Variants in GRID2 observed in about 807,000 individuals in gnomAD.
The protein encoded by GRID2 is glutamate ionotropic receptor delta type subunit 2, also known as glutamate receptor ionotropic, delta-2.
GRID2 carries 33 observed loss-of-function variants against 114.8 expected under a neutral mutation model. The ratio of observed to expected loss-of-function variants is 0.29; its 90% CI spans 0.22 to 0.38. The LOEUF (loss-of-function observed/expected upper bound fraction) is 0.38. Ranked by LOEUF, GRID2 falls within the 10% of genes least tolerant of loss-of-function variation. The pLI is 1.00. For missense variants in GRID2, 1,184 were observed against 1,257.7 expected, an observed-to-expected ratio of 0.94 and a Z score of 0.89; for synonymous variants, 505 against 449.9, an observed-to-expected ratio of 1.12 and a Z score of -1.55.
intron 2 of GRID2, among the ~76,000 whole-genome samples, chr4:92,731,810 T>C: frequency 6.6e-6 from 1 of 151,968 alleles, no homozygotes; most frequent in Non-Finnish European, 1.5e-5. Flanking sequence ...GGCAATCATT[T>C]TCAGAATGAG....
rs891870555 is a variant in GRID2 at position 92,773,611 on chromosome 4, G to A, written c.244+183325G>A. On this transcript the variant is annotated intron_variant, in intron 2 of 15. Coordinates refer to ENST00000282020, the MANE Select transcript of GRID2 (RefSeq NM_001510.4). ...TATCACAAATATTAAAATGTATAAT[G>A]TTATCAAATATTATATAAAAAATAG... Among the ~76,000 whole-genome samples, 7 of 151,840 alleles carry A rather than the reference G, an allele frequency of 4.6e-5. No individual in the cohort carries two copies. The East Asian group carries it at 1.2e-3, about 25-fold the overall frequency.
Position 93,045,988 on chromosome 4 carries a change from TA to T in GRID2, c.245-39000del, listed in dbSNP as rs542390278. ...AGTGGGATTAATCCCCCAAAGTCTTTAAAAAAATGTTATAATTGATAAGAAT... is the reference window on the plus strand; with the variant it reads ...AGTGGGATTAATCCCCCAAAGTCTTTAAAAAATGTTATAATTGATAAGAAT... On this transcript the variant is annotated intron_variant, in intron 2 of 15. Transcript: ENST00000282020. 2.4e-4 allele frequency among the ~76,000 whole-genome samples: 36 copies of T among 152,140 alleles called. No individual in the cohort carries two copies. In the South Asian group the frequency reaches 7.5e-3, roughly 32 times the overall value.
intron 10 of GRID2, among the ~76,000 whole-genome samples, chr4:93,428,757 A>T (rs1769112880): frequency 4.6e-5 from 7 of 152,216 alleles, no homozygotes. Flanking sequence ...ATATATTTTT[A>T]AAAGTGACTT....
intron 1 of GRID2, among the ~76,000 whole-genome samples, chr4:92,449,710 T>TATATATATATATATATATAA (rs1266661271): frequency 2.1e-4 from 27 of 131,698 alleles, no homozygotes; most frequent in African/African-American, 7.3e-4. Context: ...TATATATATA[T>TATATATATATATATATATAA]AACACTTAAG....
intron 1 of GRID2, among the ~76,000 whole-genome samples, chr4:92,573,942 A>T (rs951145675): frequency 3.3e-5 from 5 of 152,142 alleles, no homozygotes; most frequent in African/African-American, 1.2e-4. Flanking sequence ...TAGAAGCCTA[A>T]GTCTCTTTAA....
At chr4:93,416,210 A>G (rs1029390656) in intron 9 of GRID2, among the ~76,000 whole-genome samples, 2 of 151,824 alleles carry the variant, frequency 1.3e-5, no homozygotes, top group East Asian at 3.9e-4. Context: ...ATTCCATACC[A>G]TTGGCCTTCC....
chr4:92,379,458 A>G (rs1042323050), intron 1 of GRID2, among the ~76,000 whole-genome samples: 1 of 152,094 alleles, frequency 6.6e-6, no homozygotes, highest in Non-Finnish European at 1.5e-5. Context: ...GCTGTTGTAC[A>G]TAGATGCTAA....
chr4:92,544,977 C>T (rs969756661), intron 1 of GRID2, among the ~76,000 whole-genome samples: 5 of 151,748 alleles, frequency 3.3e-5, no homozygotes, highest in African/African-American at 4.8e-5. Flanking sequence ...TTATGGCACC[C>T]GAGAAATACA....
At chr4:93,376,497 G>A (rs1343104448) in intron 8 of GRID2, among the ~76,000 whole-genome samples, 1 of 152,086 alleles carries the variant, frequency 6.6e-6, no homozygotes, top group South Asian at 2.1e-4. Flanking sequence ...AATGAAGATA[G>A]ATGAATGGAG....
At chr4:93,440,039 C>T (rs773585121) in intron 10 of GRID2, among the ~76,000 whole-genome samples, 8 of 152,130 alleles carry the variant, frequency 5.3e-5, no homozygotes, top group Non-Finnish European at 1.2e-4. Flanking sequence ...GAGGAAATGG[C>T]CTCCTTGTGC....
intron 1 of GRID2, among the ~76,000 whole-genome samples, chr4:92,536,685 T>C (rs1387458566): frequency 6.6e-6 from 1 of 152,166 alleles, no homozygotes; most frequent in Non-Finnish European, 1.5e-5. Flanking sequence ...TTCTTTCCTT[T>C]AAAAAATAAT....
intron 1 of GRID2, among the ~76,000 whole-genome samples, chr4:92,540,164 T>C (rs1410359763): frequency 6.6e-6 from 1 of 152,144 alleles, no homozygotes; most frequent in African/African-American, 2.4e-5. Flanking sequence ...ATTAAAGACT[T>C]CAATGTTAGA....
chr4:92,588,974 C>T (rs922630843), intron 1 of GRID2, among the ~76,000 whole-genome samples: 6 of 151,818 alleles, frequency 4.0e-5, no homozygotes, highest in South Asian at 4.1e-4. Context: ...AGTGTGTTCG[C>T]GTGCACCTGT....
In GRID2 at chr4:92,481,324, A is replaced by T. The variant is rs531160554; in HGVS notation, c.89-108807A>T. Among the ~76,000 whole-genome samples, 20 of 152,292 alleles carry T rather than the reference A, an allele frequency of 1.3e-4. No individual in the cohort carries two copies. In the South Asian group the frequency reaches 4.1e-3, roughly 32 times the overall value. ...TCTATTTTAAGAAATTACGGAAAGAAAAAGATAGAGGTAATTACTCCAGGA... is the reference window on the plus strand; with the variant it reads ...TCTATTTTAAGAAATTACGGAAAGATAAAGATAGAGGTAATTACTCCAGGA... On this transcript the variant is annotated intron_variant, in intron 1 of 15. Transcript: ENST00000282020.
intron 2 of GRID2, among the ~76,000 whole-genome samples, chr4:93,051,043 G>T (rs1726660819): frequency 6.6e-6 from 1 of 151,978 alleles, no homozygotes; most frequent in South Asian, 2.1e-4. Flanking sequence ...AGGAAATAGT[G>T]CTCCACATCA....
chr4:92,715,341 T>A (rs1453221388), intron 2 of GRID2, among the ~76,000 whole-genome samples: 1 of 152,178 alleles, frequency 6.6e-6, no homozygotes, highest in Non-Finnish European at 1.5e-5. Flanking sequence ...AACACGACTT[T>A]AGGGAATTCC....
chr4:92,700,643 A>G (rs1006482076), intron 2 of GRID2, among the ~76,000 whole-genome samples: 7 of 152,200 alleles, frequency 4.6e-5, no homozygotes, highest in African/African-American at 1.4e-4. Context: ...GGTTTAAGGA[A>G]TATTTTATGG....
At chr4:92,885,815 A>G (rs1442914115) in intron 2 of GRID2, among the ~76,000 whole-genome samples, 1 of 152,206 alleles carries the variant, frequency 6.6e-6, no homozygotes, top group African/African-American at 2.4e-5. Flanking sequence ...CATGCCGTTT[A>G]TATTAGACTG....
At chr4:93,404,591 C>A (rs561591842) in intron 9 of GRID2, among the ~76,000 whole-genome samples, 1 of 152,044 alleles carries the variant, frequency 6.6e-6, no homozygotes, top group African/African-American at 2.4e-5. Flanking sequence ...ATAACTAGTA[C>A]ATGCAAAGAA....
Sources: allele counts gnomAD v4.1 joint callset (sites outside exome capture counted in the v4.1 genomes callset), GRCh38; gene constraint gnomAD v4.1.1; transcripts MANE v1.5; gene names NCBI Gene and HGNC (gene_info 2026-07-23, HGNC 2026-07-21).